Variants in CNTN4 observed in about 807,000 individuals in gnomAD.
The protein encoded by CNTN4 is contactin-4.
In CNTN4, 77 loss-of-function variants were observed where a neutral mutation model predicts 122.5. That is an observed-to-expected ratio of 0.63 (90% CI 0.52 to 0.76). The LOEUF is 0.76. Ranked by LOEUF, CNTN4 falls within the 30% of genes least tolerant of loss-of-function variation. The probability of loss-of-function intolerance (pLI) is 0.00; values close to 1 mark genes in which losing one functional copy is unlikely to be tolerated. For missense variants in CNTN4, 1,256 were observed against 1,259.1 expected, an observed-to-expected ratio of 1.00 and a Z score of 0.04; for synonymous variants, 512 against 447.0, an observed-to-expected ratio of 1.15 and a Z score of -1.83.
intron 2 of CNTN4, among the ~76,000 whole-genome samples, chr3:2,331,041 C>CT (rs1318498091): frequency 2.0e-5 from 3 of 151,924 alleles, no homozygotes; most frequent in East Asian, 1.9e-4. Flanking sequence ...ACAATTGTGC[C>CT]TTTTTTTGTG....
intron 4 of CNTN4, among the ~76,000 whole-genome samples, chr3:2,572,216 A>T (rs1287933103): frequency 6.6e-6 from 1 of 152,072 alleles, no homozygotes; most frequent in Non-Finnish European, 1.5e-5. Flanking sequence ...GCGAAAGCTC[A>T]TCTCTACTAA....
chr3:2,937,105 T>A (rs1035143271), intron 13 of CNTN4, among the ~76,000 whole-genome samples: 1 of 152,236 alleles, frequency 6.6e-6, no homozygotes, highest in African/African-American at 2.4e-5. Context: ...AGTAACATGA[T>A]CTTCCCCCAC....
intron 3 of CNTN4, among the ~76,000 whole-genome samples, chr3:2,523,356 T>TA (rs67485307): frequency 0.41 from 47,991 of 118,386 alleles, 8,988 homozygotes; most frequent in Admixed American, 0.45. Context: ...CAAGAGACCT[T>TA]AAAAAAAAAA....
chr3:2,347,410 C>CTTTT (rs10664705), intron 3 of CNTN4, among the ~76,000 whole-genome samples: 75,131 of 113,012 alleles, frequency 0.66, 26,439 homozygotes, highest in East Asian at 0.85. Flanking sequence ...GAAATACAAT[C>CTTTT]TTTTTTTTTT....
chr3:2,209,864 C>G (rs944846205), intron 2 of CNTN4, among the ~76,000 whole-genome samples: 1 of 151,672 alleles, frequency 6.6e-6, no homozygotes. Context: ...AAACTGGGTC[C>G]GTATTGACTT....
At chr3:2,949,554 C>T (rs1000805539) in intron 13 of CNTN4, among the ~76,000 whole-genome samples, 1 of 152,136 alleles carries the variant, frequency 6.6e-6, no homozygotes, top group Non-Finnish European at 1.5e-5. Context: ...GCCAATCAGA[C>T]CCTCTCCTTC....
intron 23 of CNTN4, among the ~76,000 whole-genome samples, chr3:3,049,409 A>C (rs1273523886): frequency 6.6e-6 from 1 of 152,194 alleles, no homozygotes; most frequent in Non-Finnish European, 1.5e-5. Flanking sequence ...ATAACCATGA[A>C]GATAGGTACA....
chr3:2,382,949 C>T (rs2046083798), intron 3 of CNTN4, among the ~76,000 whole-genome samples: 1 of 152,018 alleles, frequency 6.6e-6, no homozygotes, highest in East Asian at 1.9e-4. Context: ...GTGGCAGGCG[C>T]CTGTAATTCC....
At chr3:2,331,953 T>A (rs2043743998) in intron 2 of CNTN4, among the ~76,000 whole-genome samples, 1 of 152,172 alleles carries the variant, frequency 6.6e-6, no homozygotes, top group Non-Finnish European at 1.5e-5. Context: ...GATTCTCCTG[T>A]CCAGCCCAAC....
intron 2 of CNTN4, chr3:2,239,017 G>T (rs1575148799): frequency 6.6e-6 from 1 of 151,732 alleles, no homozygotes; most frequent in Non-Finnish European, 1.5e-5. Flanking sequence ...GAGCCACCGT[G>T]CCCGGCCTGG....
chr3:2,920,467 G>A (rs920501575), intron 12 of CNTN4, among the ~76,000 whole-genome samples: 1 of 151,486 alleles, frequency 6.6e-6, no homozygotes, highest in Non-Finnish European at 1.5e-5. Flanking sequence ...GTATTTAACT[G>A]TATCTACATA....
intron 4 of CNTN4, among the ~76,000 whole-genome samples, chr3:2,722,623 C>T (rs1396018987): frequency 6.6e-6 from 1 of 152,162 alleles, no homozygotes; most frequent in African/African-American, 2.4e-5. Flanking sequence ...CGTTTTTTTC[C>T]TCTCTTTTGA....
chr3:2,958,609 A>C (rs1239532807), intron 13 of CNTN4, among the ~76,000 whole-genome samples: 1 of 152,188 alleles, frequency 6.6e-6, no homozygotes, highest in Non-Finnish European at 1.5e-5. Context: ...ACAAAATGTA[A>C]GCATTATAAT....
intron 2 of CNTN4, among the ~76,000 whole-genome samples, chr3:2,243,358 AC>A (rs1414841820): frequency 2.0e-5 from 3 of 152,100 alleles, no homozygotes; most frequent in Non-Finnish European, 4.4e-5. Context: ...TAGAAGTGGA[AC>A]CTTAATATCC....
At chr3:2,638,645 G>A (rs78008668) in intron 4 of CNTN4, among the ~76,000 whole-genome samples, 445 of 152,014 alleles carry the variant, frequency 2.9e-3, no homozygotes, top group Non-Finnish European at 5.2e-3. Flanking sequence ...AACTAATATC[G>A]TTGATGAAAC....
At chr3:2,681,186 A>T (rs1163344911) in intron 4 of CNTN4, among the ~76,000 whole-genome samples, 2 of 152,232 alleles carry the variant, frequency 1.3e-5, no homozygotes, top group African/African-American at 4.8e-5. Context: ...ATACATAAAT[A>T]TCTAATTTAA....
intron 2 of CNTN4, among the ~76,000 whole-genome samples, chr3:2,231,765 A>T (rs570435538): frequency 6.6e-6 from 1 of 152,336 alleles, no homozygotes; most frequent in South Asian, 2.1e-4. Context: ...TAATTTTACT[A>T]TAGAATGAGA....
At chr3:2,758,020 T>A (rs2090416335) in intron 6 of CNTN4, among the ~76,000 whole-genome samples, 1 of 152,022 alleles carries the variant, frequency 6.6e-6, no homozygotes. Flanking sequence ...TAGCCTCTAC[T>A]TTTTTTTCCC....
intron 2 of CNTN4, among the ~76,000 whole-genome samples, chr3:2,237,331 T>G (rs1228114025): frequency 1.3e-5 from 2 of 152,064 alleles, no homozygotes; most frequent in Admixed American, 1.3e-4. Context: ...TACTGTAAGC[T>G]GGGTGTGGTT....
Sources: gnomAD v4.1 joint callset for allele counts (sites outside exome capture counted in the v4.1 genomes callset) on GRCh38, gnomAD v4.1.1 for gene constraint, MANE v1.5 for transcripts, NCBI Gene and HGNC (gene_info 2026-07-23, HGNC 2026-07-21) for gene names.